The following GPC3 variants were observed in gnomAD, a reference collection of about 807,000 sequenced individuals.
GPC3 encodes the protein glypican 3.
In GPC3, 3 loss-of-function variants were observed where a neutral mutation model predicts 34.4. The observed-to-expected ratio is 0.09, with a 90% CI of 0.04 to 0.23. GPC3 has a LOEUF of 0.23. Among genes scored for constraint, GPC3 ranks in the 10% least tolerant of loss-of-function variants. The pLI is 1.00. For synonymous variants in GPC3, 177 were observed against 174.0 expected, an observed-to-expected ratio of 1.02 and a Z score of -0.13; for missense variants, 351 against 445.6, an observed-to-expected ratio of 0.79 and a Z score of 1.91.
chrX:133,835,359 T>C (rs1453368103), intron 2 of GPC3, among the ~76,000 whole-genome samples: 1 of 112,068 alleles, frequency 8.9e-6, no homozygotes, highest in African/African-American at 3.2e-5. Context: ...CAGACAAATG[T>C]ACACAGACAG....
chrX:133,611,456 T>C (rs2070111706), intron 6 of GPC3, among the ~76,000 whole-genome samples: 1 of 112,359 alleles, frequency 8.9e-6, no homozygotes, highest in Non-Finnish European at 1.9e-5. Context: ...CTCATTCTGA[T>C]CCACTCCTGA....
At chrX:133,597,764 G>A (rs2069934569) in intron 6 of GPC3, among the ~76,000 whole-genome samples, 1 of 111,641 alleles carries the variant, frequency 9.0e-6, no homozygotes, top group African/African-American at 3.3e-5. Context: ...AGCAAAGAAA[G>A]GAAAGTCCCA....
At chrX:133,870,222 A>C (rs1191996332) in intron 2 of GPC3, among the ~76,000 whole-genome samples, 4 of 112,221 alleles carry the variant, frequency 3.6e-5, no homozygotes, top group Non-Finnish European at 7.5e-5. Context: ...TTAAATTATC[A>C]CTTTTCTTAT....
intron 2 of GPC3, among the ~76,000 whole-genome samples, chrX:133,940,838 G>C (rs2076342399): frequency 8.9e-6 from 1 of 112,314 alleles, no homozygotes; most frequent in Non-Finnish European, 1.9e-5. Context: ...TGATTACTTT[G>C]ATGCATGAGA....
chrX:133,940,696 A>C (rs1444979345), intron 2 of GPC3, among the ~76,000 whole-genome samples: 1 of 111,737 alleles, frequency 8.9e-6, no homozygotes, highest in East Asian at 2.8e-4. Context: ...CCCTCCCATC[A>C]AAACAAAAAC....
chrX:133,580,238 C>T (rs1459713976), intron 7 of GPC3, among the ~76,000 whole-genome samples: 2 of 111,972 alleles, frequency 1.8e-5, no homozygotes, highest in Admixed American at 9.5e-5. Flanking sequence ...ACTACAACCT[C>T]TCCTCGAAGG....
chrX:133,667,699 A>C (rs1352712011), intron 5 of GPC3, among the ~76,000 whole-genome samples: 4 of 109,068 alleles, frequency 3.7e-5, no homozygotes, highest in Non-Finnish European at 1.9e-5. Flanking sequence ...AAAGACACAA[A>C]AATGAGCCAG....
intron 2 of GPC3, among the ~76,000 whole-genome samples, chrX:133,884,073 T>C (rs1057080099): frequency 1.8e-5 from 2 of 111,471 alleles, no homozygotes; most frequent in Admixed American, 9.6e-5. Context: ...TAGATGAAGT[T>C]TATTAAGTCT....
chrX:133,714,059 T>C (rs2071293773), intron 3 of GPC3, among the ~76,000 whole-genome samples: 1 of 112,177 alleles, frequency 8.9e-6, no homozygotes, highest in Non-Finnish European at 1.9e-5. Flanking sequence ...ATTGATACGT[T>C]TGCAGCTTCC....
At chrX:133,758,323 C>T (rs1361467242) in intron 2 of GPC3, among the ~76,000 whole-genome samples, 1 of 111,692 alleles carries the variant, frequency 9.0e-6, no homozygotes, top group Admixed American at 9.5e-5. Context: ...TGATAGAATG[C>T]ATAAAGAAAA....
At chrX:133,703,546 T>C (rs183345318) in intron 3 of GPC3, among the ~76,000 whole-genome samples, 36 of 108,074 alleles carry the variant, frequency 3.3e-4, no homozygotes, top group Admixed American at 1.8e-3. Flanking sequence ...CTGCAAGCTC[T>C]GCCTCCTGGG....
At chrX:133,816,303 C>T (rs1354398946) in intron 2 of GPC3, among the ~76,000 whole-genome samples, 1 of 111,744 alleles carries the variant, frequency 8.9e-6, no homozygotes, top group East Asian at 2.8e-4. Flanking sequence ...GATCCTCCTG[C>T]CTTGGTCTCC....
chrX:133,869,963 A>T (rs1205577776), intron 2 of GPC3, among the ~76,000 whole-genome samples: 1 of 111,826 alleles, frequency 8.9e-6, no homozygotes, highest in East Asian at 2.8e-4. Context: ...TCAAAAAAAT[A>T]AATAAATAAA....
chrX:133,576,029 G>A (rs368238840), intron 7 of GPC3, among the ~76,000 whole-genome samples: 7 of 111,806 alleles, frequency 6.3e-5, no homozygotes, highest in East Asian at 2.8e-4. Flanking sequence ...CTACAGAGGC[G>A]CAGAACTCTT....
intron 4 of GPC3, among the ~76,000 whole-genome samples, chrX:133,694,548 A>T (rs1028246833): frequency 1.8e-5 from 2 of 111,043 alleles, no homozygotes; most frequent in African/African-American, 6.6e-5. Flanking sequence ...CTGAAAGAGT[A>T]AAGGCTGAGT....
At chrX:133,955,866 TA>T (rs1282498356) in intron 1 of GPC3, among the ~76,000 whole-genome samples, 1 of 112,107 alleles carries the variant, frequency 8.9e-6, no homozygotes, top group Admixed American at 9.4e-5. Flanking sequence ...TTTATTTTTT[TA>T]AAAAATGAGG....
At chrX:133,602,508 C>T (rs754547888) in intron 6 of GPC3, among the ~76,000 whole-genome samples, 2 of 111,243 alleles carry the variant, frequency 1.8e-5, no homozygotes, top group African/African-American at 3.3e-5. Context: ...CCTGATGATC[C>T]GAGGTGGAAC....
intron 2 of GPC3, among the ~76,000 whole-genome samples, chrX:133,856,267 C>T (rs919083368): frequency 1.8e-5 from 2 of 111,310 alleles, no homozygotes; most frequent in African/African-American, 3.3e-5. Flanking sequence ...CCTCTATACC[C>T]TTGTCAACAC....
intron 2 of GPC3, among the ~76,000 whole-genome samples, chrX:133,776,494 C>T (rs1205833063): frequency 3.6e-5 from 4 of 112,006 alleles, no homozygotes; most frequent in Non-Finnish European, 7.5e-5. Context: ...CAGGTCATGA[C>T]TGTATGTGGA....
Sources: gnomAD v4.1 joint callset for allele counts (sites outside exome capture counted in the v4.1 genomes callset) on GRCh38, gnomAD v4.1.1 for gene constraint, MANE v1.5 for transcripts, NCBI Gene and HGNC (gene_info 2026-07-23, HGNC 2026-07-21) for gene names.